The following SHMT1 variants were observed in gnomAD, a reference collection of about 807,000 sequenced individuals.
SHMT1 encodes the protein serine hydroxymethyltransferase 1.
A neutral mutation model predicts 49.0 loss-of-function variants in SHMT1; 45 were observed. The observed-to-expected ratio is 0.92, with a 90% CI of 0.72 to 1.18. The LOEUF (loss-of-function observed/expected upper bound fraction) is 1.18, where lower values mean the gene tolerates loss of function less well. Among genes scored for constraint, SHMT1 ranks in the 50% most tolerant of loss-of-function variants. The probability of loss-of-function intolerance (pLI) is 0.00; values close to 1 mark genes in which losing one functional copy is unlikely to be tolerated. For synonymous variants in SHMT1, 232 were observed against 246.6 expected (o/e 0.94, Z 0.55); for missense variants, 541 against 612.4 (o/e 0.88, Z 1.23).
Position 18,352,821 on chromosome 17 carries a change from A to T in SHMT1, c.242+851T>A, listed in dbSNP as rs1479822380. 2.0e-5 allele frequency among the ~76,000 whole-genome samples: 3 copies of T among 151,934 alleles called. No homozygotes were observed. The East Asian group carries it at 5.8e-4, about 29-fold the overall frequency. ...GGTGAGAGAAAGACCATGTCTCAAA[A>T]AAGAAGAAAAAAAAAAAGAAAACAC... On this transcript the variant is annotated intron_variant, in intron 3 of 11. Transcript: ENST00000316694.
At chr17:18,349,516 CA>C (rs1181627454) in intron 3 of SHMT1, among the ~76,000 whole-genome samples, 1 of 151,668 alleles carries the variant, frequency 6.6e-6, no homozygotes, top group Non-Finnish European at 1.5e-5. Flanking sequence ...GCCAGGAGTT[CA>C]AGACCAGCTA....
At chr17:18,330,801 G>A in intron 9 of SHMT1, 130 bp from the exon 10 acceptor site, 1 of 714,116 alleles carries the variant, frequency 1.4e-6, no homozygotes, top group South Asian at 1.5e-5. Context: ...CCCACCACAT[G>A]GCCTGGGATT....
chr17:18,351,275 G>C (rs529560540), intron 3 of SHMT1, among the ~76,000 whole-genome samples: 2 of 151,986 alleles, frequency 1.3e-5, no homozygotes, highest in Admixed American at 6.6e-5. Context: ...CGAGTAGCTG[G>C]GACTACAGGC....
intron 10 of SHMT1, 39 bp from the exon 11 acceptor site, chr17:18,329,427 T>C: frequency 1.4e-6 from 2 of 1,464,576 alleles, no homozygotes; most frequent in Non-Finnish European, 1.9e-6. Context: ...AGTCACATTG[T>C]CACCACTGTG....
At position 18,363,536 on chromosome 17, in the gene SHMT1, G is replaced by T. The variant is rs1254842116; in HGVS notation, c.-184C>A. 6.6e-6 allele frequency: 1 copy of T among 152,264 alleles called. No homozygotes were observed. The highest frequency in any genetic ancestry group is 1.9e-4 in the East Asian group (1 of 5,190). The allele number at this position is 152,264 out of a possible 1,614,324, so 9.4% of individuals were successfully genotyped here. A position where few individuals can be genotyped will look rare whatever the true frequency, so the allele number is the denominator to read the frequency against. ...GAGCTCAGGAAGGTGCACTCTGCGC[G>T]CCAGGCTTGGGCTTGGCCCCGCCCC... On this transcript the variant is annotated 5_prime_UTR_variant, in exon 1 of 12. Coordinates refer to ENST00000316694, the MANE Select transcript of SHMT1 (RefSeq NM_004169.5).
At chr17:18,346,824 GT>G (rs1437244233) in intron 5 of SHMT1, among the ~76,000 whole-genome samples, 3 of 152,288 alleles carry the variant, frequency 2.0e-5, no homozygotes, top group East Asian at 3.8e-4. Flanking sequence ...ACTATCTCAT[GT>G]AATCTACTGA....
chr17:18,330,644 A>T lies in SHMT1; in HGVS notation c.1082T>A (p.Val361Glu). 1 of 1,614,058 alleles carries T rather than the reference A, an allele frequency of 6.2e-7. No individual in the cohort carries two copies. Among genetic ancestry groups the T allele is most frequent in the African/African-American group, 1.3e-5 (1 of 75,066 alleles). The change falls in exon 10 of 12, where the codon GTG becomes GAG. Residue 361 changes from valine to glutamate, a missense_variant. Coordinates refer to ENST00000316694, the MANE Select transcript of SHMT1 (RefSeq NM_004169.5). ...TGGSDNHLILVDLRSKGTDGG... is the reference protein window; with the variant it reads ...TGGSDNHLILEDLRSKGTDGG... ...ATCTGTGCCTTTGGAACGGAGATCCACAAGGATCAAATGGTTGTCAGAACC... is the reference window on the plus strand; with the variant it reads ...ATCTGTGCCTTTGGAACGGAGATCCTCAAGGATCAAATGGTTGTCAGAACC...
At chr17:18,333,794 T>C (rs1395710055) in intron 8 of SHMT1, among the ~76,000 whole-genome samples, 2 of 151,986 alleles carry the variant, frequency 1.3e-5, no homozygotes, top group Non-Finnish European at 2.9e-5. Context: ...TTTTATATTT[T>C]TTGAGACAGG....
intron 5 of SHMT1, among the ~76,000 whole-genome samples, chr17:18,344,576 GGAA>G (rs1206199167): frequency 0.059 from 1,563 of 26,296 alleles, 29 homozygotes; most frequent in African/African-American, 0.26. Context: ...CACAATTACC[GGAA>G]AAAAAAAAAA....
intron 9 of SHMT1, chr17:18,332,841 A>G: frequency 7.5e-6 from 3 of 398,576 alleles, no homozygotes; most frequent in Non-Finnish European, 9.7e-6. Flanking sequence ...GCCACCTACC[A>G]GGTGTGTGAC....
chr17:18,360,391 TA>T (rs891468790), intron 1 of SHMT1: 7 of 149,586 alleles, frequency 4.7e-5, no homozygotes, highest in Non-Finnish European at 5.9e-5. Context: ...ACCCTGTCTC[TA>T]AAAAAAAATA....
rs762858719 is a variant in SHMT1 at position 18,328,824 on chromosome 17, C to T, written c.1378G>A (p.Ala460Thr). 1.2e-6 allele frequency: 2 copies of T among 1,613,188 alleles called. No homozygotes were observed. The highest frequency in any genetic ancestry group is 1.7e-6 in the Non-Finnish European group (2 of 1,179,948). ...ACCTCCTCCCGGAGAGCCTGCACGG[C>T]CGCCTGGTACTTATCCCCTGCCAGT... ...ERLAGDKYQA[A>T]VQALREEVES... Residue 460 changes from alanine to threonine, a missense_variant, in exon 12 of 12, where the codon GCC becomes ACC. By Grantham distance (58) the Ala-to-Thr change is moderately conservative (BLOSUM62 0). Coordinates refer to ENST00000316694, the MANE Select transcript of SHMT1 (RefSeq NM_004169.5).
intron 1 of SHMT1, among the ~76,000 whole-genome samples, chr17:18,358,638 A>G (rs1454176853): frequency 1.3e-5 from 2 of 152,176 alleles, no homozygotes; most frequent in Non-Finnish European, 2.9e-5. Context: ...GTGGTGGTTC[A>G]TGCCTGTAAT....
chr17:18,329,041 C>T, intron 11 of SHMT1, 122 bp from the exon 12 acceptor site: 1 of 1,273,886 alleles, frequency 7.9e-7, no homozygotes, highest in Non-Finnish European at 1.1e-6. Context: ...GGCACAAGGT[C>T]TCCATGCTTA....
Position 18,340,164 on chromosome 17 carries a change from G to A in SHMT1, c.693C>T (p.His231=). 1 of 1,614,244 alleles carries A rather than the reference G, an allele frequency of 6.2e-7. No homozygotes were observed. The highest frequency in any genetic ancestry group is 8.5e-7 in the Non-Finnish European group (1 of 1,180,050). ...NGAYLMADMA[H]ISGLVAAGVV... is the part of the protein sequence containing the mutation. ...CGCCAGCCGCCACCAGCCCGCTGAT[G>A]TGAGCCATGTCCGCCATGAGATACG... Residue 231 remains histidine (H), a synonymous_variant, in exon 7 of 12, where the codon CAC becomes CAT. Transcript: ENST00000316694. The surrounding 1 kb of genome is among the most constrained non-coding windows in gnomAD (Gnocchi z 4.5).
chr17:18,357,909 G>C lies in SHMT1; in HGVS notation c.-19-1909C>G, dbSNP rs532316892. 1.2e-4 allele frequency among the ~76,000 whole-genome samples: 18 copies of C among 147,818 alleles called. No homozygotes were observed. In the South Asian group the frequency reaches 3.7e-3, roughly 30 times the overall value. On this transcript the variant is annotated intron_variant, in intron 1 of 11. Coordinates refer to ENST00000316694, the MANE Select transcript of SHMT1 (RefSeq NM_004169.5). ...GACAGAGTCTCACTCTGTCGCCCAG[G>C]CTGGAGTACAGTGGCGCGATCTCGG...
chr17:18,360,507 C>A (rs1196562601), intron 1 of SHMT1: 1 of 151,414 alleles, frequency 6.6e-6, no homozygotes. Context: ...CTGCAGTGAG[C>A]CCAGATTTTC....
In SHMT1 at chr17:18,331,205, C is replaced by T. The variant is rs540233335; in HGVS notation, c.1055-534G>A. On this transcript the variant is annotated intron_variant, in intron 9 of 11. Transcript: ENST00000316694. ...TTTCTGGACCTGGCCCGAGGTCATA[C>T]AGGAGGATCCTTCCACTTTGAACCT... is the stretch of plus-strand genomic sequence containing the variant. 29 of 241,412 alleles carry T rather than the reference C, an allele frequency of 1.2e-4. No individual in the cohort carries two copies. In the East Asian group the frequency reaches 2.1e-3, roughly 18 times the overall value. The allele number at this position is 241,412 out of a possible 1,614,324, so 15.0% of individuals were successfully genotyped here.
rs531144572 is a variant in SHMT1, at chr17:18,355,162, G to A, written c.96+724C>T. 1.8e-4 allele frequency among the ~76,000 whole-genome samples: 27 copies of A among 147,810 alleles called. No homozygotes were observed. In the South Asian group the frequency reaches 5.8e-3, roughly 32 times the overall value. ...AGGTGGGCGGATCACGAGGTCAGGA[G>A]ATCGAGACCATCCTGGCTAACATGG... On this transcript the variant is annotated intron_variant, in intron 2 of 11. Coordinates refer to ENST00000316694, the MANE Select transcript of SHMT1 (RefSeq NM_004169.5).
Sources: gnomAD v4.1 joint callset for allele counts (sites outside exome capture counted in the v4.1 genomes callset) on GRCh38, gnomAD v4.1.1 for gene constraint, Gnocchi (gnomAD v3.1) non-coding constraint, MANE v1.5 for transcripts, NCBI Gene and HGNC (gene_info 2026-07-23, HGNC 2026-07-21) for gene names.